BMPER: variants seen among roughly 807,000 people sequenced by gnomAD.
The protein encoded by BMPER is BMP binding endothelial regulator, also known as BMP-binding endothelial regulator protein.
Under a neutral mutation model 87.3 loss-of-function variants are expected in BMPER, and 45 were observed. That is an observed-to-expected ratio of 0.52 (90% CI 0.41 to 0.66). BMPER has a LOEUF of 0.66. Ranked by LOEUF, BMPER falls within the 30% of genes least tolerant of loss-of-function variation. The pLI is 0.00. For synonymous variants in BMPER, 326 were observed against 316.2 expected (o/e 1.03, Z -0.33); for missense variants, 784 against 867.5 (o/e 0.90, Z 1.21).
In BMPER at chr7:33,990,249, C is replaced by T. The variant is rs925424089; in HGVS notation, c.576+15465C>T. Among the ~76,000 whole-genome samples the T allele has an allele frequency of 6.7e-3, 927 of 137,882 alleles. 10 individuals carry two copies. Among genetic ancestry groups the T allele is most frequent in the African/African-American group, 0.024 (868 of 35,760 alleles). The allele number at this position is 137,882 out of a possible 152,430, so 90.5% of individuals were successfully genotyped here. A position where few individuals can be genotyped will look rare whatever the true frequency, so the allele number is the denominator to read the frequency against. ...GATATTGATTCTTCCTTCCCATGAG[C>T]ATGGAATGTTCTTCCATTTGTTGTA... On this transcript the variant is annotated intron_variant, in intron 6 of 14. Transcript: ENST00000649409.
chr7:34,029,181 GAC>G (rs1787460656), intron 6 of BMPER, among the ~76,000 whole-genome samples: 1 of 152,032 alleles, frequency 6.6e-6, no homozygotes, highest in African/African-American at 2.4e-5. Flanking sequence ...GTGAGCAATT[GAC>G]ACAGTCTTTG....
At position 34,046,677 on chromosome 7, in the gene BMPER, A is replaced by G. The variant is rs112554074; in HGVS notation, c.676+272A>G. Among the ~76,000 whole-genome samples the G allele has an allele frequency of 3.3e-3, 497 of 152,318 alleles. 9 individuals are homozygous for G. The highest frequency in any genetic ancestry group is 3.9e-3 in the Non-Finnish European group (267 of 68,034). ...GGGTAATTCTCCCTTGTGGTGAGAA[A>G]GTATCAAAGAAACTATCTTTAATAG... On this transcript the variant is annotated intron_variant, in intron 7 of 14. Coordinates refer to ENST00000649409, the MANE Select transcript of BMPER (RefSeq NM_001365308.1).
At chr7:34,085,361 C>CTT (rs200635202) in intron 12 of BMPER, among the ~76,000 whole-genome samples, 1 of 151,468 alleles carries the variant, frequency 6.6e-6, no homozygotes, top group East Asian at 1.9e-4. Context: ...AAACAATCAT[C>CTT]TTTTTTTTTC....
intron 2 of BMPER, among the ~76,000 whole-genome samples, chr7:33,935,059 A>G (rs908521904): frequency 6.6e-5 from 10 of 152,240 alleles, no homozygotes; most frequent in Admixed American, 1.3e-4. Context: ...TTAATTTGTA[A>G]AAAATATGTC....
intron 11 of BMPER, among the ~76,000 whole-genome samples, chr7:34,077,591 A>G (rs1278145728): frequency 6.6e-6 from 1 of 152,250 alleles, no homozygotes; most frequent in East Asian, 1.9e-4. Context: ...ATTTAGAACA[A>G]GAAATTAATT....
intron 6 of BMPER, among the ~76,000 whole-genome samples, chr7:34,040,739 T>C (rs140176979): frequency 9.2e-5 from 14 of 152,280 alleles, no homozygotes; most frequent in African/African-American, 3.4e-4. Context: ...TGGTGAACAC[T>C]TTATCTTCTT....
At chr7:33,975,054 A>C (rs1278629267) in intron 6 of BMPER, among the ~76,000 whole-genome samples, 3 of 152,036 alleles carry the variant, frequency 2.0e-5, no homozygotes, top group Non-Finnish European at 4.4e-5. Flanking sequence ...ATGCCAGTAA[A>C]CCCCTCCAGC....
intron 13 of BMPER, among the ~76,000 whole-genome samples, chr7:34,133,226 C>T (rs772201311): frequency 6.6e-6 from 1 of 152,074 alleles, no homozygotes; most frequent in Non-Finnish European, 1.5e-5. Context: ...GGACTTTCAG[C>T]CTCTCCCTCT....
At position 34,154,867 on chromosome 7, in the gene BMPER, C is replaced by G. The variant is rs1791272099; in HGVS notation, c.*1594C>G. On this transcript the variant is annotated 3_prime_UTR_variant, in exon 15 of 15. Transcript: ENST00000649409. ...TTTTTTTCATTCCTGTGTTTGGATA[C>G]TAATCACCCTCGTATCTGCAGCCTG... 1 of 151,496 alleles carries G rather than the reference C, an allele frequency of 6.6e-6. No individual in the cohort carries two copies. 9.4% of individuals were successfully genotyped at this position (151,496 alleles called of 1,614,324 possible). A position where few individuals can be genotyped will look rare whatever the true frequency, so the allele number is the denominator to read the frequency against.
At chr7:33,913,053 A>C (rs1203085339) in intron 2 of BMPER, among the ~76,000 whole-genome samples, 1 of 152,194 alleles carries the variant, frequency 6.6e-6, no homozygotes, top group Non-Finnish European at 1.5e-5. Context: ...ACACATATAT[A>C]AATAAGAAAC....
chr7:34,046,205 A>G, intron 6 of BMPER, 101 bp from the exon 7 acceptor site: 6 of 1,113,244 alleles, frequency 5.4e-6, no homozygotes, highest in Non-Finnish European at 8.2e-6. Flanking sequence ...CTAGGGACCT[A>G]ATACTATGGA....
In BMPER at chr7:34,086,201, C is replaced by T. The variant is rs1789205551; in HGVS notation, c.1745+109C>T. 6.4e-6 allele frequency: 8 copies of T among 1,259,522 alleles called. No homozygotes were observed. The Admixed American group carries it at 1.4e-4, about 22-fold the overall frequency. The allele number at this position is 1,259,522 out of a possible 1,614,324, so 78.0% of individuals were successfully genotyped here. ...GTTGTGCAGGACAAAGGCTCAAAAC[C>T]CAGGGTAGGCATCTTCTTGCTGTCC... On this transcript the variant is annotated intron_variant, in intron 13 of 14. Transcript: ENST00000649409.
chr7:34,138,326 G>A (rs377070417), intron 13 of BMPER, among the ~76,000 whole-genome samples: 147 of 152,260 alleles, frequency 9.7e-4, no homozygotes, highest in African/African-American at 3.2e-3. Context: ...CTACCGTGCC[G>A]AGTGCTATGA....
At chr7:34,141,656 A>G (rs1352000630) in intron 13 of BMPER, among the ~76,000 whole-genome samples, 4 of 151,956 alleles carry the variant, frequency 2.6e-5, no homozygotes, top group Non-Finnish European at 5.9e-5. Context: ...ATTACTACAA[A>G]GAAAGAAAGA....
intron 14 of BMPER, among the ~76,000 whole-genome samples, chr7:34,149,871 C>A (rs2127996523): frequency 6.6e-6 from 1 of 152,148 alleles, no homozygotes; most frequent in South Asian, 2.1e-4. Flanking sequence ...GAAGACTAGG[C>A]TAAAATGACT....
chr7:34,015,864 C>T (rs1378798771), intron 6 of BMPER, among the ~76,000 whole-genome samples: 1 of 151,866 alleles, frequency 6.6e-6, no homozygotes, highest in South Asian at 2.1e-4. Flanking sequence ...ACCTCAGCCA[C>T]AATGCTCCTG....
intron 4 of BMPER, 110 bp from the exon 5 acceptor site, chr7:33,970,219 A>T: frequency 9.1e-7 from 1 of 1,101,124 alleles, no homozygotes; most frequent in Non-Finnish European, 1.4e-6. Flanking sequence ...ACACCCACCA[A>T]ACCTTGTGGT....
intron 6 of BMPER, among the ~76,000 whole-genome samples, chr7:34,009,213 A>G (rs1175879073): frequency 2.0e-5 from 3 of 151,784 alleles, no homozygotes; most frequent in African/African-American, 7.3e-5. Flanking sequence ...CTTCAACCCT[A>G]TTTTATTAAA....
intron 4 of BMPER, among the ~76,000 whole-genome samples, chr7:33,967,584 T>C (rs1268357347): frequency 1.3e-5 from 2 of 152,234 alleles, no homozygotes; most frequent in African/African-American, 4.8e-5. Flanking sequence ...TAAACACATA[T>C]AAATAATACA....
Sources: allele counts gnomAD v4.1 joint callset (sites outside exome capture counted in the v4.1 genomes callset), GRCh38; gene constraint gnomAD v4.1.1; transcripts MANE v1.5; gene names NCBI Gene and HGNC (gene_info 2026-07-23, HGNC 2026-07-21).